The following CAMTA1 variants were observed in gnomAD, a reference collection of about 807,000 sequenced individuals.
CAMTA1 encodes the protein calmodulin binding transcription activator 1.
Under a neutral mutation model 170.9 loss-of-function variants are expected in CAMTA1, and 27 were observed. That is an observed-to-expected ratio of 0.16 (90% CI 0.12 to 0.22). The LOEUF (loss-of-function observed/expected upper bound fraction) is 0.22. CAMTA1 is among the 10% of genes least tolerant of loss of function. The pLI, the probability that CAMTA1 is intolerant of heterozygous loss-of-function variation, is 1.00. For missense variants in CAMTA1, 1,619 were observed against 2,217.2 expected, an observed-to-expected ratio of 0.73 and a Z score of 5.42; for synonymous variants, 833 against 891.5, an observed-to-expected ratio of 0.93 and a Z score of 1.17.
intron 3 of CAMTA1, among the ~76,000 whole-genome samples, chr1:7,074,490 A>G (rs915747554): frequency 6.6e-6 from 1 of 152,246 alleles, no homozygotes; most frequent in African/African-American, 2.4e-5. Context: ...TTAATGTTTT[A>G]GTGAATTTGC....
intron 5 of CAMTA1, among the ~76,000 whole-genome samples, chr1:7,260,068 A>G (rs1558321352): frequency 1.3e-5 from 2 of 152,240 alleles, no homozygotes. Flanking sequence ...GTCCGTCCCA[A>G]CAATTCAATT....
At chr1:6,953,558 G>C (rs915728814) in intron 3 of CAMTA1, among the ~76,000 whole-genome samples, 2 of 152,202 alleles carry the variant, frequency 1.3e-5, no homozygotes, top group African/African-American at 4.8e-5. Flanking sequence ...CCCAGGCCCC[G>C]CAGGGAGCCT....
In CAMTA1 at chr1:6,849,903, C is replaced by T. The variant is rs181225997; in HGVS notation, c.234+24693C>T. On this transcript the variant is annotated intron_variant, in intron 3 of 22. Transcript: ENST00000303635. ...TACAAAAATTAGCCAGATGTGGTGA[C>T]GCATGCCTGTAATCCCAGCTACTTG... Among the ~76,000 whole-genome samples the T allele has an allele frequency of 1.5e-3, 235 of 151,750 alleles. 1 individual carries two copies. The highest frequency in any genetic ancestry group is 2.7e-3 in the Non-Finnish European group (184 of 67,878).
chr1:6,856,086 G>T (rs1022931079), intron 3 of CAMTA1, among the ~76,000 whole-genome samples: 1 of 152,152 alleles, frequency 6.6e-6, no homozygotes, highest in African/African-American at 2.4e-5. Flanking sequence ...ATGCTGGGGG[G>T]AGCTGCTGGC....
intron 4 of CAMTA1, among the ~76,000 whole-genome samples, chr1:7,194,510 G>A (rs956631841): frequency 6.6e-6 from 1 of 152,040 alleles, no homozygotes; most frequent in African/African-American, 2.4e-5. Context: ...ACTGTCTTTT[G>A]GCATATAGAT....
intron 3 of CAMTA1, among the ~76,000 whole-genome samples, chr1:6,962,716 C>A (rs2149529973): frequency 6.6e-6 from 1 of 151,166 alleles, no homozygotes; most frequent in East Asian, 2.0e-4. Flanking sequence ...TTATCCTGCC[C>A]CTGCCCCATG....
chr1:7,357,757 G>C (rs2085237881), intron 5 of CAMTA1, among the ~76,000 whole-genome samples: 1 of 152,198 alleles, frequency 6.6e-6, no homozygotes, highest in Non-Finnish European at 1.5e-5. Context: ...ATGACTCAGT[G>C]CTTCTGGACC....
intron 6 of CAMTA1, among the ~76,000 whole-genome samples, chr1:7,489,333 G>T (rs774606821): frequency 6.6e-6 from 1 of 152,222 alleles, no homozygotes; most frequent in African/African-American, 2.4e-5. Flanking sequence ...GAGATCTTTC[G>T]AGGGTCTTTG....
At chr1:6,883,310 G>A (rs1472840448) in intron 3 of CAMTA1, among the ~76,000 whole-genome samples, 2 of 151,646 alleles carry the variant, frequency 1.3e-5, no homozygotes, top group Admixed American at 6.6e-5. Context: ...TGGTGACTTT[G>A]ATAAGAGCTG....
rs1208262553 is a variant in CAMTA1 at position 7,664,290 on chromosome 1, G to T, written c.1743G>T (p.Leu581=). 6.2e-7 allele frequency: 1 copy of T among 1,612,898 alleles called. No homozygotes were observed. Among genetic ancestry groups the T allele is most frequent in the African/African-American group, 1.3e-5 (1 of 74,946 alleles). The change falls in exon 9 of 23, where the codon CTG becomes CTT. Residue 581 remains leucine, a synonymous_variant. Transcript: ENST00000303635. Reference sequence around the variant, plus strand: ...GCGGCCTGAGTCCCAGCACCACCCTGGAGCAGATGGACTTCAGCGCCATCG... The same window carrying T: ...GCGGCCTGAGTCCCAGCACCACCCTTGAGCAGATGGACTTCAGCGCCATCG... ...SGGGLSPSTT[L]EQMDFSAIDS...
chr1:7,449,821 G>A (rs1055182206), intron 5 of CAMTA1, among the ~76,000 whole-genome samples: 33 of 151,510 alleles, frequency 2.2e-4, no homozygotes, highest in Non-Finnish European at 7.4e-5. Context: ...AAGTACTGGG[G>A]CCCAGTACTC....
intron 11 of CAMTA1, among the ~76,000 whole-genome samples, chr1:7,714,575 T>G (rs2096595201): frequency 1.3e-5 from 2 of 152,030 alleles, no homozygotes; most frequent in Non-Finnish European, 2.9e-5. Flanking sequence ...AGGCTCTGGC[T>G]TTGGGCGCGA....
chr1:7,735,223 C>T (rs11121013), intron 12 of CAMTA1, among the ~76,000 whole-genome samples: 2,682 of 152,254 alleles, frequency 0.018, 70 homozygotes, highest in African/African-American at 0.06. Flanking sequence ...AGAGGCTGGG[C>T]GCGGTGGCTC....
chr1:7,378,536 T>G (rs1490783888), intron 5 of CAMTA1, among the ~76,000 whole-genome samples: 1 of 151,782 alleles, frequency 6.6e-6, no homozygotes, highest in Non-Finnish European at 1.5e-5. Context: ...TTCATTTATG[T>G]GAACGTCCAG....
chr1:7,746,355 T>G (rs2096857030), intron 18 of CAMTA1, among the ~76,000 whole-genome samples: 1 of 152,210 alleles, frequency 6.6e-6, no homozygotes, highest in Non-Finnish European at 1.5e-5. Flanking sequence ...TGTGGGGGCA[T>G]TAAGTATATT....
chr1:7,721,574 C>T lies in CAMTA1; in HGVS notation c.2915-10874C>T, dbSNP rs919227791. On this transcript the variant is annotated intron_variant, in intron 11 of 22. Transcript: ENST00000303635. ...CCCAGAGGTAAGTAAAATTCCTGGT[C>T]GTGAGCCAGGAATTTTGGAGAACAT... Among the ~76,000 whole-genome samples, 136 of 152,040 alleles carry T rather than the reference C, an allele frequency of 8.9e-4. 1 individual carries two copies. The highest frequency in any genetic ancestry group is 3.1e-3 in the African/African-American group (130 of 41,480).
chr1:7,356,200 C>T (rs978418199), intron 5 of CAMTA1, among the ~76,000 whole-genome samples: 1 of 152,240 alleles, frequency 6.6e-6, no homozygotes, highest in African/African-American at 2.4e-5. Flanking sequence ...AGAGGAGCCC[C>T]AGGCTCTGCT....
At chr1:7,697,305 A>C (rs894398295) in intron 11 of CAMTA1, among the ~76,000 whole-genome samples, 4 of 151,964 alleles carry the variant, frequency 2.6e-5, no homozygotes, top group Admixed American at 2.6e-4. Context: ...TTATTATCCA[A>C]CTTCATCCCG....
At chr1:7,653,258 A>AT (rs890845529) in intron 7 of CAMTA1, among the ~76,000 whole-genome samples, 7 of 151,748 alleles carry the variant, frequency 4.6e-5, no homozygotes, top group Non-Finnish European at 8.8e-5. Context: ...TATTGTTATT[A>AT]TTTTTTTCCC....
Sources: allele counts gnomAD v4.1 joint callset (sites outside exome capture counted in the v4.1 genomes callset), GRCh38; gene constraint gnomAD v4.1.1; transcripts MANE v1.5; gene names NCBI Gene and HGNC (gene_info 2026-07-23, HGNC 2026-07-21).